Variants in DLGAP2 observed in about 807,000 individuals in gnomAD.
The protein encoded by DLGAP2 is DLG associated protein 2, also known as disks large-associated protein 2.
Under a neutral mutation model 100.3 loss-of-function variants are expected in DLGAP2, and 26 were observed. That is an observed-to-expected ratio of 0.26 (90% CI 0.19 to 0.36). The LOEUF (loss-of-function observed/expected upper bound fraction) is 0.36, where lower values mean the gene tolerates loss of function less well. DLGAP2 is among the 10% of genes least tolerant of loss of function. DLGAP2 has a pLI of 1.00. For synonymous variants in DLGAP2, 886 were observed against 630.1 expected (o/e 1.41, Z -6.08); for missense variants, 1,858 against 1,453.2 (o/e 1.28, Z -4.53).
chr8:818,300 C>T (rs1010464079), intron 1 of DLGAP2, among the ~76,000 whole-genome samples: 1 of 152,150 alleles, frequency 6.6e-6, no homozygotes, highest in African/African-American at 2.4e-5. Flanking sequence ...CAGTGACAGA[C>T]CTCACCCCAC....
At chr8:1,011,043 A>G (rs1801266239) in intron 2 of DLGAP2, among the ~76,000 whole-genome samples, 1 of 151,642 alleles carries the variant, frequency 6.6e-6, no homozygotes, top group Admixed American at 6.6e-5. Context: ...CTCAGTCTGC[A>G]TGGTGATTCT....
rs1437121129 is a variant in DLGAP2, at chr8:1,539,384, G to A, written c.173-9242G>A. ...TCCGAAGAGGAAAACAGGTTACCAC[G>A]TGGTTAGCCACACCATTACAACACT... On this transcript the variant is annotated intron_variant, in intron 4 of 14. Coordinates refer to ENST00000637795, the MANE Select transcript of DLGAP2 (RefSeq NM_001346810.2). Among the ~76,000 whole-genome samples the A allele has an allele frequency of 2.6e-5, 4 of 152,264 alleles. No homozygotes were observed. The South Asian group carries it at 6.2e-4, about 24-fold the overall frequency.
intron 1 of DLGAP2, among the ~76,000 whole-genome samples, chr8:770,725 G>A (rs1477729178): frequency 2.6e-5 from 4 of 152,154 alleles, no homozygotes; most frequent in African/African-American, 7.2e-5. Context: ...CAGGTTCAGG[G>A]GGTTATGCTT....
At chr8:898,878 T>C (rs1021279320) in intron 1 of DLGAP2, among the ~76,000 whole-genome samples, 3 of 152,124 alleles carry the variant, frequency 2.0e-5, no homozygotes, top group African/African-American at 7.2e-5. Flanking sequence ...CACTGGAGGG[T>C]GAGCCCTGCG....
chr8:1,570,610 G>C (rs1259813460), intron 6 of DLGAP2, among the ~76,000 whole-genome samples: 1 of 152,238 alleles, frequency 6.6e-6, no homozygotes, highest in Non-Finnish European at 1.5e-5. Flanking sequence ...GCTGGCTGTG[G>C]AGGCGTCTGC....
At chr8:897,126 T>TC (rs773240628) in intron 1 of DLGAP2, among the ~76,000 whole-genome samples, 3 of 152,152 alleles carry the variant, frequency 2.0e-5, no homozygotes, top group Non-Finnish European at 4.4e-5. Context: ...GCAGCAGGTC[T>TC]CTGTTCACTG....
intron 2 of DLGAP2, among the ~76,000 whole-genome samples, chr8:1,010,275 TTC>T (rs1801238822): frequency 7.1e-6 from 1 of 140,036 alleles, no homozygotes; most frequent in African/African-American, 2.8e-5. Flanking sequence ...CACACACACA[TTC>T]TCACATATGT....
chr8:1,556,154 A>C (rs972251245), intron 5 of DLGAP2, among the ~76,000 whole-genome samples: 1 of 152,190 alleles, frequency 6.6e-6, no homozygotes, highest in Non-Finnish European at 1.5e-5. Context: ...AACCATCTGC[A>C]TTTATGCCAT....
intron 3 of DLGAP2, among the ~76,000 whole-genome samples, chr8:1,311,043 C>T (rs1418596791): frequency 6.9e-6 from 1 of 144,838 alleles, no homozygotes; most frequent in Non-Finnish European, 1.5e-5. Context: ...ATGACACTGA[C>T]AAAGAAAAAA....
chr8:1,150,609 G>A (rs1796681545), intron 2 of DLGAP2, among the ~76,000 whole-genome samples: 2 of 152,206 alleles, frequency 1.3e-5, no homozygotes, highest in South Asian at 4.1e-4. Context: ...AAAATCCAAG[G>A]AGAGAAGGGT....
chr8:1,156,173 C>G (rs753600770), intron 2 of DLGAP2, among the ~76,000 whole-genome samples: 51 of 152,268 alleles, frequency 3.3e-4, no homozygotes, highest in Non-Finnish European at 7.1e-4. Flanking sequence ...TGTGAATCAC[C>G]GGGGCTGCAG....
chr8:1,078,699 T>G (rs1803703603), intron 2 of DLGAP2, among the ~76,000 whole-genome samples: 1 of 152,238 alleles, frequency 6.6e-6, no homozygotes, highest in African/African-American at 2.4e-5. Flanking sequence ...CTTAGTGATA[T>G]GCATTTAATT....
intron 1 of DLGAP2, among the ~76,000 whole-genome samples, chr8:767,204 A>ATG (rs1283157362): frequency 6.6e-6 from 1 of 152,114 alleles, no homozygotes; most frequent in Non-Finnish European, 1.5e-5. Context: ...GTGGTCCTGC[A>ATG]TGATGGACCT....
intron 2 of DLGAP2, among the ~76,000 whole-genome samples, chr8:1,254,579 G>C (rs1443614429): frequency 1.3e-5 from 2 of 152,122 alleles, no homozygotes; most frequent in African/African-American, 4.8e-5. Flanking sequence ...ACGATCTATG[G>C]CCTAAGACGG....
At chr8:1,292,079 G>C (rs1800071400) in intron 3 of DLGAP2, among the ~76,000 whole-genome samples, 1 of 152,212 alleles carries the variant, frequency 6.6e-6, no homozygotes, top group Admixed American at 6.5e-5. Flanking sequence ...CAACTCTGAA[G>C]ACAGATGAAT....
intron 1 of DLGAP2, among the ~76,000 whole-genome samples, chr8:779,370 G>A (rs1821624719): frequency 6.6e-6 from 1 of 151,954 alleles, no homozygotes; most frequent in South Asian, 2.1e-4. Flanking sequence ...CCTCCCCTGT[G>A]AATCACTTCT....
intron 2 of DLGAP2, among the ~76,000 whole-genome samples, chr8:1,132,513 T>C (rs569264762): frequency 1.2e-4 from 18 of 152,316 alleles, no homozygotes; most frequent in Non-Finnish European, 2.1e-4. Flanking sequence ...TCACTGGTAG[T>C]TTTTCTTGGC....
At chr8:1,174,250 C>A (rs889522746) in intron 2 of DLGAP2, among the ~76,000 whole-genome samples, 6 of 152,006 alleles carry the variant, frequency 3.9e-5, no homozygotes, top group Non-Finnish European at 8.8e-5. Flanking sequence ...ATAAGTCTAC[C>A]CACATACCCA....
intron 1 of DLGAP2, among the ~76,000 whole-genome samples, chr8:827,821 C>A (rs1018009231): frequency 2.0e-5 from 3 of 152,108 alleles, no homozygotes; most frequent in African/African-American, 4.8e-5. Flanking sequence ...TATCGGGGGA[C>A]CTGCCCCGAT....
Sources: gnomAD v4.1 joint callset for allele counts (sites outside exome capture counted in the v4.1 genomes callset) on GRCh38, gnomAD v4.1.1 for gene constraint, MANE v1.5 for transcripts, NCBI Gene and HGNC (gene_info 2026-07-23, HGNC 2026-07-21) for gene names.